The following LRRC4C variants were observed in gnomAD, a reference collection of about 807,000 sequenced individuals.
LRRC4C encodes leucine rich repeat containing 4C.
Under a neutral mutation model 33.6 loss-of-function variants are expected in LRRC4C, and 5 were observed. That is an observed-to-expected ratio of 0.15 (90% confidence interval 0.08 to 0.31). The LOEUF is 0.31. LRRC4C is among the 10% of genes least tolerant of loss of function. The pLI, the probability that LRRC4C is intolerant of heterozygous loss-of-function variation, is 1.00. For missense variants in LRRC4C, 560 were observed against 796.7 expected, an observed-to-expected ratio of 0.70 and a Z score of 3.58; for synonymous variants, 329 against 302.0, an observed-to-expected ratio of 1.09 and a Z score of -0.93.
chr11:40,270,850 T>C (rs1942642284), intron 4 of LRRC4C, among the ~76,000 whole-genome samples: 1 of 152,152 alleles, frequency 6.6e-6, no homozygotes, highest in Non-Finnish European at 1.5e-5. Flanking sequence ...CAGAATGACA[T>C]TGAGAGTTAT....
chr11:41,072,025 G>A (rs76018378), intron 1 of LRRC4C, among the ~76,000 whole-genome samples: 14,839 of 152,028 alleles, frequency 0.098, 838 homozygotes, highest in East Asian at 0.21. Flanking sequence ...AAACTTGAAT[G>A]GATGAGGAGT....
At chr11:40,945,323 C>G (rs1958349541) in intron 1 of LRRC4C, among the ~76,000 whole-genome samples, 1 of 152,088 alleles carries the variant, frequency 6.6e-6, no homozygotes, top group Non-Finnish European at 1.5e-5. Flanking sequence ...CCCGGGCCAA[C>G]TTTGCAGTTT....
At chr11:40,259,728 G>A (rs919245086) in intron 4 of LRRC4C, among the ~76,000 whole-genome samples, 26 of 152,114 alleles carry the variant, frequency 1.7e-4, no homozygotes, top group African/African-American at 5.8e-4. Flanking sequence ...TTGTAGATAT[G>A]CGGCGTTATT....
At chr11:41,328,571 C>T (rs780080045) in intron 1 of LRRC4C, among the ~76,000 whole-genome samples, 3 of 152,144 alleles carry the variant, frequency 2.0e-5, no homozygotes, top group African/African-American at 2.4e-5. Flanking sequence ...TCCCTTTTCT[C>T]AGGTAGCTTG....
At chr11:40,998,699 A>G (rs1014193599) in intron 1 of LRRC4C, among the ~76,000 whole-genome samples, 3 of 152,076 alleles carry the variant, frequency 2.0e-5, no homozygotes, top group Admixed American at 1.3e-4. Flanking sequence ...ATCTTTTTGG[A>G]CAACAGTTTT....
chr11:40,311,391 A>C (rs568882715), intron 4 of LRRC4C, among the ~76,000 whole-genome samples: 35 of 152,340 alleles, frequency 2.3e-4, no homozygotes, highest in African/African-American at 8.4e-4. Context: ...TTGTGGCATA[A>C]TGTACATGTT....
chr11:40,739,972 T>C (rs1236778210), intron 2 of LRRC4C, among the ~76,000 whole-genome samples: 1 of 151,742 alleles, frequency 6.6e-6, no homozygotes, highest in Non-Finnish European at 1.5e-5. Context: ...AATATATGCA[T>C]ATACAAAATA....
At chr11:40,252,242 TCACA>T (rs371151195) in intron 4 of LRRC4C, among the ~76,000 whole-genome samples, 5 of 151,522 alleles carry the variant, frequency 3.3e-5, no homozygotes, top group African/African-American at 1.2e-4. Flanking sequence ...CTCACCTAAC[TCACA>T]CACACCACGA....
intron 2 of LRRC4C, among the ~76,000 whole-genome samples, chr11:40,858,252 G>T (rs1229357275): frequency 1.3e-5 from 2 of 152,070 alleles, no homozygotes; most frequent in African/African-American, 4.8e-5. Context: ...GACGTAACTG[G>T]GCAAAATGTG....
At chr11:40,158,877 GA>G (rs1294411225) in intron 5 of LRRC4C, among the ~76,000 whole-genome samples, 7 of 152,072 alleles carry the variant, frequency 4.6e-5, no homozygotes, top group Non-Finnish European at 8.8e-5. Context: ...TTAATAGTAG[GA>G]AAAGAGTATC....
rs576777333 is a variant in LRRC4C, at chr11:41,072,432, G to A, written c.-495-138709C>T. On this transcript the variant is annotated intron_variant, in intron 1 of 6. Coordinates refer to ENST00000528697, the MANE Select transcript of LRRC4C (RefSeq NM_001258419.2). ...TGGTGAGAGATTTATTGAATAATGG[G>A]GGTGGACTTCCCCCTTGCTGTTCCT... 2.0e-4 allele frequency among the ~76,000 whole-genome samples: 31 copies of A among 151,988 alleles called. No homozygotes were observed. In the South Asian group the frequency reaches 2.1e-3, roughly 10 times the overall value.
At chr11:41,020,631 G>A (rs1216722543) in intron 1 of LRRC4C, among the ~76,000 whole-genome samples, 4 of 152,206 alleles carry the variant, frequency 2.6e-5, no homozygotes, top group Non-Finnish European at 4.4e-5. Context: ...GCATGGACCC[G>A]CCAACACCGT....
intron 4 of LRRC4C, among the ~76,000 whole-genome samples, chr11:40,276,744 C>A (rs1005655568): frequency 6.9e-6 from 1 of 144,208 alleles, no homozygotes; most frequent in Non-Finnish European, 1.5e-5. Context: ...TGCAAGCAAG[C>A]CTTTGTGTCC....
intron 2 of LRRC4C, among the ~76,000 whole-genome samples, chr11:40,796,488 A>G (rs1950831159): frequency 6.6e-6 from 1 of 152,184 alleles, no homozygotes; most frequent in South Asian, 2.1e-4. Context: ...TATTTGCTTG[A>G]TGGCATTAAT....
At chr11:41,080,172 G>A in intron 1 of LRRC4C, among the ~76,000 whole-genome samples, 1 of 152,000 alleles carries the variant, frequency 6.6e-6, no homozygotes. Flanking sequence ...TTCATAAATA[G>A]GATTTCCAAG....
intron 2 of LRRC4C, among the ~76,000 whole-genome samples, chr11:40,805,610 A>G (rs1488434434): frequency 6.6e-6 from 1 of 152,192 alleles, no homozygotes; most frequent in East Asian, 1.9e-4. Context: ...TAAGTAAGAC[A>G]TTATCTCCAC....
intron 2 of LRRC4C, among the ~76,000 whole-genome samples, chr11:40,798,707 G>A (rs1312857206): frequency 2.7e-5 from 4 of 148,042 alleles, no homozygotes; most frequent in Non-Finnish European, 4.4e-5. Flanking sequence ...ACAATAGCAC[G>A]ACCTCAGTTC....
Position 40,325,506 on chromosome 11 carries a change from T to C in LRRC4C, c.-269-5785A>G, listed in dbSNP as rs151247145. 2.4e-4 allele frequency among the ~76,000 whole-genome samples: 37 copies of C among 152,124 alleles called. 1 individual carries two copies. The highest frequency in any genetic ancestry group is 8.3e-4 in the South Asian group (4 of 4,828). On this transcript the variant is annotated intron_variant, in intron 3 of 6. Transcript: ENST00000528697. ...AGCCAAGTTTGGTGGCACATGCCTA[T>C]AGTCCAAGTTATTTGGGAGGCTGAG...
intron 3 of LRRC4C, among the ~76,000 whole-genome samples, chr11:40,615,238 T>TTTTATATA (rs1408452073): frequency 1.1e-5 from 1 of 88,148 alleles, no homozygotes; most frequent in African/African-American, 3.9e-5. Flanking sequence ...TTGATTTATT[T>TTTTATATA]TATATATATA....
Sources: allele counts gnomAD v4.1 joint callset (sites outside exome capture counted in the v4.1 genomes callset), GRCh38; gene constraint gnomAD v4.1.1; transcripts MANE v1.5; gene names NCBI Gene and HGNC (gene_info 2026-07-23, HGNC 2026-07-21).